Variants in SEMA6D observed in about 807,000 individuals in gnomAD.
The protein encoded by SEMA6D is semaphorin-6D.
In SEMA6D, 35 loss-of-function variants were observed where a neutral mutation model predicts 106.6. The ratio of observed to expected loss-of-function variants is 0.33; its 90% CI spans 0.25 to 0.44. The LOEUF (loss-of-function observed/expected upper bound fraction) is 0.44, where lower values mean the gene tolerates loss of function less well. Ranked by LOEUF, SEMA6D falls within the 20% of genes least tolerant of loss-of-function variation. The pLI, the probability that SEMA6D is intolerant of heterozygous loss-of-function variation, is 1.00. For synonymous variants in SEMA6D, 499 were observed against 487.7 expected (o/e 1.02, Z -0.31); for missense variants, 1,185 against 1,345.9 (o/e 0.88, Z 1.87).
intron 2 of SEMA6D, among the ~76,000 whole-genome samples, chr15:47,422,180 G>GCCTGCCTGCCTGCCTGCCTGCCTTCCTT (rs1455030787): frequency 1.1e-3 from 122 of 112,828 alleles, no homozygotes; most frequent in African/African-American, 3.6e-3. Context: ...CCGCCTGCCT[G>GCCTGCCTGCCTGCCTGCCTGCCTTCCTT]CCTTCCTTCC....
chr15:47,184,921 G>T (rs956405523), intron 1 of SEMA6D, among the ~76,000 whole-genome samples: 5 of 152,238 alleles, frequency 3.3e-5, no homozygotes, highest in African/African-American at 1.2e-4. Flanking sequence ...GTGGGTGCTG[G>T]GAGGCAGGGC....
At chr15:47,422,585 A>G (rs2041207161) in intron 2 of SEMA6D, among the ~76,000 whole-genome samples, 1 of 152,092 alleles carries the variant, frequency 6.6e-6, no homozygotes, top group African/African-American at 2.4e-5. Context: ...TGAGGACATG[A>G]TGAATGTCCA....
chr15:47,656,312 C>T (rs1176801447), intron 4 of SEMA6D, among the ~76,000 whole-genome samples: 1 of 152,108 alleles, frequency 6.6e-6, no homozygotes, highest in East Asian at 1.9e-4. Context: ...CTGTAGCTCC[C>T]CTAAGAACAA....
At chr15:47,521,927 G>T (rs1156783585) in intron 3 of SEMA6D, among the ~76,000 whole-genome samples, 1 of 151,906 alleles carries the variant, frequency 6.6e-6, no homozygotes, top group African/African-American at 2.4e-5. Context: ...GGAGCTTGCA[G>T]TGAGCCGAGA....
intron 1 of SEMA6D, among the ~76,000 whole-genome samples, chr15:47,234,222 A>G (rs1024717566): frequency 6.6e-6 from 1 of 151,984 alleles, no homozygotes; most frequent in African/African-American, 2.4e-5. Context: ...AGAAGACCCA[A>G]AGCAATCACC....
At chr15:47,266,690 G>A (rs2034336471) in intron 1 of SEMA6D, among the ~76,000 whole-genome samples, 1 of 152,018 alleles carries the variant, frequency 6.6e-6, no homozygotes, top group Non-Finnish European at 1.5e-5. Context: ...AGATGGTCCA[G>A]GATAAGAAAT....
chr15:47,761,820 A>G (rs2082075282), intron 7 of SEMA6D, 69 bp downstream of exon 7: 1 of 1,318,952 alleles, frequency 7.6e-7, no homozygotes, highest in East Asian at 2.3e-5. Flanking sequence ...ATTTAATGGA[A>G]GAGTAAAAGT....
intron 1 of SEMA6D, among the ~76,000 whole-genome samples, chr15:47,729,584 G>A (rs1044905340): frequency 6.6e-6 from 1 of 152,286 alleles, no homozygotes; most frequent in Non-Finnish European, 1.5e-5. Flanking sequence ...GGGTTTGTCA[G>A]GTAAGATCAC....
chr15:47,714,383 T>C (rs12595150), upstream of SEMA6D, among the ~76,000 whole-genome samples: 46 of 152,348 alleles, frequency 3.0e-4, 1 homozygote, highest in East Asian at 8.5e-3. Flanking sequence ...TGTTGCAAGT[T>C]AATATTTGTA....
At chr15:47,749,276 T>G (rs1396029943) in intron 1 of SEMA6D, among the ~76,000 whole-genome samples, 2 of 151,852 alleles carry the variant, frequency 1.3e-5, no homozygotes, top group Non-Finnish European at 2.9e-5. Context: ...GAGAAATGGT[T>G]TCACCTGTTG....
intron 1 of SEMA6D, among the ~76,000 whole-genome samples, chr15:47,731,907 A>C (rs986756242): frequency 6.6e-6 from 1 of 152,196 alleles, no homozygotes; most frequent in Non-Finnish European, 1.5e-5. Context: ...ATGTGCCCCT[A>C]TAGAGATTTT....
At chr15:47,222,005 A>G (rs199633124) in intron 1 of SEMA6D, among the ~76,000 whole-genome samples, 1 of 151,064 alleles carries the variant, frequency 6.6e-6, no homozygotes, top group East Asian at 1.9e-4. Context: ...GCAAGCGCAC[A>G]CACACACACA....
At chr15:47,746,054 A>G (rs936269445) in intron 1 of SEMA6D, among the ~76,000 whole-genome samples, 1 of 152,170 alleles carries the variant, frequency 6.6e-6, no homozygotes, top group Non-Finnish European at 1.5e-5. Flanking sequence ...GAGACAGGCA[A>G]CTGTTACTGT....
Position 47,390,390 on chromosome 15 carries a change from C to T in SEMA6D, c.-238-22003C>T, listed in dbSNP as rs576315125. ...AACTAAAGGGTTAGCAAAGTGTACT[C>T]AGCCACCATGAAACCAAAACAAGTC... On this transcript the variant is annotated intron_variant, in intron 1 of 19. Transcript: ENST00000558014. Among the ~76,000 whole-genome samples the T allele has an allele frequency of 2.6e-5, 4 of 152,318 alleles. No individual in the cohort carries two copies. In the South Asian group the frequency reaches 6.2e-4, roughly 24 times the overall value.
intron 7 of SEMA6D, 48 bp downstream of exon 7, chr15:47,761,799 G>T: frequency 6.9e-7 from 1 of 1,455,398 alleles, no homozygotes; most frequent in Non-Finnish European, 9.5e-7. Flanking sequence ...GACATTGAAG[G>T]TGAAAAAGGA....
At chr15:47,719,473 G>A (rs1344235168) in intron 1 of SEMA6D, among the ~76,000 whole-genome samples, 1 of 152,128 alleles carries the variant, frequency 6.6e-6, no homozygotes, top group Non-Finnish European at 1.5e-5. Context: ...AACTTCTGGC[G>A]GTAAGAATTT....
intron 4 of SEMA6D, among the ~76,000 whole-genome samples, chr15:47,699,799 A>G (rs1419357869): frequency 6.6e-6 from 1 of 152,258 alleles, no homozygotes; most frequent in Admixed American, 6.5e-5. Context: ...CATACTGGAA[A>G]TATTAGCTAA....
intron 3 of SEMA6D, among the ~76,000 whole-genome samples, chr15:47,495,570 T>G (rs1207027466): frequency 6.6e-6 from 1 of 151,918 alleles, no homozygotes; most frequent in African/African-American, 2.4e-5. Context: ...TGGGAAACAT[T>G]AAAAAAAGAG....
At chr15:47,327,572 G>C (rs772439811) in intron 1 of SEMA6D, among the ~76,000 whole-genome samples, 1 of 152,172 alleles carries the variant, frequency 6.6e-6, no homozygotes, top group Non-Finnish European at 1.5e-5. Flanking sequence ...TTCAGATAGT[G>C]CTTTTTGTCT....
Sources: allele counts gnomAD v4.1 joint callset (sites outside exome capture counted in the v4.1 genomes callset), GRCh38; gene constraint gnomAD v4.1.1; transcripts MANE v1.5; gene names NCBI Gene and HGNC (gene_info 2026-07-23, HGNC 2026-07-21).